Variants in FAM53B observed in about 807,000 individuals in gnomAD.
FAM53B encodes the protein family with sequence similarity 53 member B, also known as protein FAM53B.
FAM53B carries 12 observed loss-of-function variants against 32.7 expected under a neutral mutation model. The observed-to-expected ratio is 0.37, with a 90% CI of 0.24 to 0.59. FAM53B has a LOEUF of 0.59. FAM53B is among the 20% of genes least tolerant of loss of function. FAM53B has a pLI of 0.72. For missense variants in FAM53B, 477 were observed against 577.7 expected (o/e 0.83, Z 1.79); for synonymous variants, 234 against 228.7 (o/e 1.02, Z -0.21).
chr10:124,696,825 A>T (rs1418082538), intron 2 of FAM53B, among the ~76,000 whole-genome samples: 1 of 152,204 alleles, frequency 6.6e-6, no homozygotes, highest in African/African-American at 2.4e-5. Flanking sequence ...TGGTCTCAAC[A>T]TAACAGCTAT....
At chr10:124,632,346 C>T (rs1387544568) in intron 4 of FAM53B, among the ~76,000 whole-genome samples, 1 of 152,240 alleles carries the variant, frequency 6.6e-6, no homozygotes, top group Non-Finnish European at 1.5e-5. Flanking sequence ...GAAACCACCT[C>T]GCTCGCAGCT....
Position 124,623,085 on chromosome 10 carries a change from C to T in FAM53B, c.*157G>A, listed in dbSNP as rs1949322199. 2.0e-6 allele frequency: 2 copies of T among 989,670 alleles called. No homozygotes were observed. Among genetic ancestry groups the T allele is most frequent in the South Asian group, 1.6e-5 (1 of 61,022 alleles). The allele number at this position is 989,670 out of a possible 1,614,324, so 61.3% of individuals were successfully genotyped here. On this transcript the variant is annotated 3_prime_UTR_variant, in exon 5 of 5. Transcript: ENST00000337318. The stretch of plus-strand genomic sequence containing the variant: ...ATGACGCGGCCAGGCCAGGCTCTCC[C>T]CCAGGCAGCAGGTGGGCTCCCTCTC...
chr10:124,692,541 C>G (rs1288726462), intron 3 of FAM53B, among the ~76,000 whole-genome samples: 1 of 151,616 alleles, frequency 6.6e-6, no homozygotes, highest in Non-Finnish European at 1.5e-5. Flanking sequence ...ATGGTGAAAC[C>G]CCATCTCTAC....
intron 1 of FAM53B, among the ~76,000 whole-genome samples, chr10:124,710,181 G>A (rs1949991202): frequency 6.6e-6 from 1 of 152,228 alleles, no homozygotes; most frequent in Non-Finnish European, 1.5e-5. Flanking sequence ...CCAGACCCAG[G>A]GCTCTGAATG....
At chr10:124,723,551 C>T (rs534829545) in intron 1 of FAM53B, among the ~76,000 whole-genome samples, 3 of 152,200 alleles carry the variant, frequency 2.0e-5, no homozygotes, top group South Asian at 2.1e-4. Context: ...TTTCTGTGGG[C>T]GGGAGGGTGG....
chr10:124,664,711 G>T (rs557501040), intron 4 of FAM53B, among the ~76,000 whole-genome samples: 2 of 152,236 alleles, frequency 1.3e-5, no homozygotes, highest in Admixed American at 6.5e-5. Flanking sequence ...AAATGGGATA[G>T]TCCCGTATTC....
intron 4 of FAM53B, among the ~76,000 whole-genome samples, chr10:124,644,971 T>C (rs1949502374): frequency 6.6e-6 from 1 of 152,198 alleles, no homozygotes; most frequent in Non-Finnish European, 1.5e-5. Context: ...TCCCCCTGAA[T>C]GCCAGGGGGA....
chr10:124,644,376 G>A (rs745819718), intron 4 of FAM53B, among the ~76,000 whole-genome samples: 1 of 152,184 alleles, frequency 6.6e-6, no homozygotes, highest in Non-Finnish European at 1.5e-5. Context: ...AGGAGCTTTG[G>A]CTCTGCAAAG....
intron 4 of FAM53B, among the ~76,000 whole-genome samples, chr10:124,652,326 A>C (rs1372280051): frequency 6.6e-6 from 1 of 152,182 alleles, no homozygotes; most frequent in East Asian, 1.9e-4. Context: ...GGGTGAACTG[A>C]GCAAGGAACT....
chr10:124,705,949 T>C (rs1039636313), intron 2 of FAM53B, among the ~76,000 whole-genome samples: 2 of 152,176 alleles, frequency 1.3e-5, no homozygotes, highest in African/African-American at 4.8e-5. Context: ...CTTGCCCATC[T>C]CCACAAGACT....
intron 4 of FAM53B, among the ~76,000 whole-genome samples, chr10:124,626,167 G>A (rs933827686): frequency 2.0e-5 from 3 of 152,256 alleles, no homozygotes; most frequent in Non-Finnish European, 2.9e-5. Context: ...GGCCTGCTGC[G>A]AGTGTTTTCT....
intron 4 of FAM53B, among the ~76,000 whole-genome samples, chr10:124,673,895 C>G (rs150469998): frequency 6.6e-6 from 1 of 152,220 alleles, no homozygotes; most frequent in Non-Finnish European, 1.5e-5. Context: ...CCCATGGCTA[C>G]ACCTGGGCAG....
rs935405405 is a variant in FAM53B, at chr10:124,699,566, C to A, written c.79-3354G>T. 2.0e-5 allele frequency among the ~76,000 whole-genome samples: 3 copies of A among 152,258 alleles called. No individual in the cohort carries two copies. The East Asian group carries it at 5.8e-4, about 29-fold the overall frequency. On this transcript the variant is annotated intron_variant, in intron 2 of 4. Transcript: ENST00000337318. ...GACTTCTCCATTTCCCCACCCCGGG[C>A]AAGCCACTGCTTGCTCCTCACTGAA...
intron 4 of FAM53B, among the ~76,000 whole-genome samples, chr10:124,645,894 C>T (rs773686963): frequency 6.6e-6 from 1 of 152,184 alleles, no homozygotes; most frequent in Non-Finnish European, 1.5e-5. Flanking sequence ...ACAGGATGCC[C>T]TGCCGCCCAG....
At chr10:124,638,096 G>A (rs769605712) in intron 4 of FAM53B, among the ~76,000 whole-genome samples, 42 of 152,144 alleles carry the variant, frequency 2.8e-4, no homozygotes, top group Non-Finnish European at 4.3e-4. Flanking sequence ...CGGGCCTGGC[G>A]CCATGGCTCA....
At chr10:124,736,690 C>T (rs975755765) in intron 1 of FAM53B, among the ~76,000 whole-genome samples, 1 of 152,238 alleles carries the variant, frequency 6.6e-6, no homozygotes, top group Non-Finnish European at 1.5e-5. Flanking sequence ...GTGGCCTCCA[C>T]GGGGTGGGGG....
chr10:124,723,507 C>T (rs868572036), intron 1 of FAM53B, among the ~76,000 whole-genome samples: 122 of 152,264 alleles, frequency 8.0e-4, no homozygotes, highest in African/African-American at 2.9e-3. Context: ...ATCATACTCA[C>T]ACCTCCTCAG....
chr10:124,639,483 G>A (rs1029208923), intron 4 of FAM53B, among the ~76,000 whole-genome samples: 8 of 152,136 alleles, frequency 5.3e-5, no homozygotes, highest in African/African-American at 1.7e-4. Flanking sequence ...CAGACCTCTC[G>A]AGGCAGCTGT....
At chr10:124,629,734 C>T (rs890342379) in intron 4 of FAM53B, among the ~76,000 whole-genome samples, 6 of 152,224 alleles carry the variant, frequency 3.9e-5, no homozygotes, top group Non-Finnish European at 5.9e-5. Flanking sequence ...ACAACCAAGA[C>T]GGCAAGGCAT....
Sources: allele counts gnomAD v4.1 joint callset (sites outside exome capture counted in the v4.1 genomes callset), GRCh38; gene constraint gnomAD v4.1.1; transcripts MANE v1.5; gene names NCBI Gene and HGNC (gene_info 2026-07-23, HGNC 2026-07-21).